TJP1: variants seen among roughly 807,000 people sequenced by gnomAD.
The protein encoded by TJP1 is tight junction protein 1.
Under a neutral mutation model 194.2 loss-of-function variants are expected in TJP1, and 43 were observed. That is an observed-to-expected ratio of 0.22 (90% confidence interval 0.17 to 0.29). The LOEUF is 0.29. Ranked by LOEUF, TJP1 falls within the 10% of genes least tolerant of loss-of-function variation. The pLI, the probability that TJP1 is intolerant of heterozygous loss-of-function variation, is 1.00. For synonymous variants in TJP1, 801 were observed against 779.0 expected (o/e 1.03, Z -0.47); for missense variants, 1,971 against 2,185.7 (o/e 0.90, Z 1.96).
rs138832484 is a variant in TJP1 at position 29,950,294 on chromosome 15, G to A, written c.306+5938C>T. ...CACCTCCACTTCCACCTTCACCACC[G>A]CTACCTCCACCACCACCACCTCCTT... On this transcript the variant is annotated intron_variant, in intron 2 of 28. Coordinates refer to the TJP1 transcript ENST00000356107. Among the ~76,000 whole-genome samples, 478 of 98,788 alleles carry A rather than the reference G, an allele frequency of 4.8e-3. 2 individuals carry two copies. The highest frequency in any genetic ancestry group is 0.018 in the African/African-American group (454 of 25,550). The allele number at this position is 98,788 out of a possible 152,430, so 64.8% of individuals were successfully genotyped here.
chr15:29,701,536 T>G lies in TJP1; in HGVS notation c.*59A>C, dbSNP rs2041540730. ...AAAGGTATAATACTTGATAGAGTGG[T>G]TCCATTTAGATTAAGTTTAATCCAG... On this transcript the variant is annotated 3_prime_UTR_variant, in exon 28 of 28. Transcript: ENST00000614355. The G allele has an allele frequency of 2.2e-6, 3 of 1,385,186 alleles. No homozygotes were observed. The highest frequency in any genetic ancestry group is 3.1e-6 in the Non-Finnish European group (3 of 977,122). 85.8% of individuals were successfully genotyped at this position (1,385,186 alleles called of 1,614,324 possible).
intron 20 of TJP1, among the ~76,000 whole-genome samples, chr15:29,719,426 T>C (rs1020960448): frequency 6.6e-5 from 10 of 152,188 alleles, no homozygotes; most frequent in African/African-American, 2.2e-4. Flanking sequence ...ACACTTCATT[T>C]TGACACTGAA....
At chr15:29,840,094 T>G (rs2051169426) in intron 2 of TJP1, among the ~76,000 whole-genome samples, 1 of 152,250 alleles carries the variant, frequency 6.6e-6, no homozygotes, top group East Asian at 1.9e-4. Context: ...AATCAGATTT[T>G]TTTAAACTAT....
intron 18 of TJP1, among the ~76,000 whole-genome samples, chr15:29,723,330 T>TACTA (rs2043046259): frequency 6.6e-6 from 1 of 152,166 alleles, no homozygotes; most frequent in Non-Finnish European, 1.5e-5. Flanking sequence ...ATCCCCCTAA[T>TACTA]ACTATTTTGT....
At chr15:29,775,220 T>C (rs1040559676) in intron 2 of TJP1, among the ~76,000 whole-genome samples, 2 of 151,874 alleles carry the variant, frequency 1.3e-5, no homozygotes, top group African/African-American at 4.8e-5. Flanking sequence ...TTTTACTTAA[T>C]CATGACCCCA....
At chr15:29,735,226 A>C (rs957483258) in intron 11 of TJP1, among the ~76,000 whole-genome samples, 2 of 151,712 alleles carry the variant, frequency 1.3e-5, no homozygotes, top group African/African-American at 2.4e-5. Context: ...AAAAAAAAAA[A>C]CCCTAGAAAC....
At chr15:29,795,340 T>G (rs2048336541) in intron 2 of TJP1, among the ~76,000 whole-genome samples, 1 of 151,368 alleles carries the variant, frequency 6.6e-6, no homozygotes, top group African/African-American at 2.4e-5. Flanking sequence ...GGAGAATCGC[T>G]TCAACCGCAG....
At position 29,718,724 on chromosome 15, in the gene TJP1, A is replaced by G. The variant is rs1043984364; in HGVS notation, c.3418T>C (p.Tyr1140His). 2 of 1,614,102 alleles carry G rather than the reference A, an allele frequency of 1.2e-6. No homozygotes were observed. Among genetic ancestry groups the G allele is most frequent in the Non-Finnish European group, 1.7e-6 (2 of 1,180,020 alleles). Residue 1140 changes from tyrosine (Y) to histidine (H), a missense_variant, in exon 21 of 28, where the codon TAC becomes CAC. This residue lies in a region of TJP1 where 1,108 missense variants were observed against 1,128.5 expected (regional missense o/e 0.98). Transcript: ENST00000614355. ...TGTTCGTAACGTGGTCTGCTGTCGT[A>G]AGACAGAGGGGCTGGCTCTTCAAAA... Reference protein sequence around the residue: ...PRFEEPAPLSYDSRPRYEQAP... With the variant: ...PRFEEPAPLSHDSRPRYEQAP...
intron 2 of TJP1, among the ~76,000 whole-genome samples, chr15:29,889,868 C>G (rs1420002200): frequency 1.3e-5 from 2 of 152,216 alleles, no homozygotes; most frequent in East Asian, 1.9e-4. Flanking sequence ...TAGTAAACGA[C>G]TAAGTCTTTG....
intron 2 of TJP1, among the ~76,000 whole-genome samples, chr15:29,774,895 A>T (rs1187217154): frequency 6.6e-6 from 1 of 152,274 alleles, no homozygotes; most frequent in South Asian, 2.1e-4. Flanking sequence ...ACAAAAATAG[A>T]CCAACTACAG....
chr15:29,733,123 T>G lies in TJP1; in HGVS notation c.1707A>C (p.Val569=). Residue 569 remains valine (V), a synonymous_variant, in exon 13 of 28, where the codon GTA becomes GTC. Transcript: ENST00000614355. Reference sequence around the variant, plus strand: ...TCTTATTAGGGATGATGCCTCGTTCTACCTCCTTATGATTTTTACCAATTC... The same window carrying G: ...TCTTATTAGGGATGATGCCTCGTTCGACCTCCTTATGATTTTTACCAATTC... The part of the protein sequence containing the change: ...AIRIGKNHKE[V]ERGIIPNKNR... 1 of 1,614,112 alleles carries G rather than the reference T, an allele frequency of 6.2e-7. No individual in the cohort carries two copies. Among genetic ancestry groups the G allele is most frequent in the East Asian group, 2.2e-5 (1 of 44,870 alleles).
chr15:29,930,151 A>C (rs936819056), intron 2 of TJP1, among the ~76,000 whole-genome samples: 1 of 152,238 alleles, frequency 6.6e-6, no homozygotes, highest in Non-Finnish European at 1.5e-5. Flanking sequence ...AGATGGTATT[A>C]TCAGCAAATC....
intron 2 of TJP1, among the ~76,000 whole-genome samples, chr15:29,863,607 G>A (rs2052180831): frequency 6.6e-6 from 1 of 152,112 alleles, no homozygotes; most frequent in South Asian, 2.1e-4. Flanking sequence ...TATGTTACCA[G>A]CCTGGCCCTG....
upstream of TJP1, among the ~76,000 whole-genome samples, chr15:29,824,353 G>A (rs1343008391): frequency 1.3e-5 from 2 of 151,830 alleles, no homozygotes; most frequent in Non-Finnish European, 2.9e-5. Context: ...TGAGGCAGGA[G>A]AATCGCTTGA....
At chr15:29,956,774 A>G (rs2055960341) in intron 1 of TJP1, among the ~76,000 whole-genome samples, 1 of 152,202 alleles carries the variant, frequency 6.6e-6, no homozygotes, top group East Asian at 1.9e-4. Flanking sequence ...CTGTGGTCCC[A>G]GCTGCTTGGA....
At chr15:29,705,253 C>A (rs2041818731) in intron 26 of TJP1, among the ~76,000 whole-genome samples, 1 of 152,200 alleles carries the variant, frequency 6.6e-6, no homozygotes, top group Non-Finnish European at 1.5e-5. Context: ...GTTAGGTCAG[C>A]CTAGGCTGCT....
intron 2 of TJP1, among the ~76,000 whole-genome samples, chr15:29,932,068 A>T (rs1313065320): frequency 6.6e-6 from 1 of 152,164 alleles, no homozygotes; most frequent in Non-Finnish European, 1.5e-5. Flanking sequence ...CTGTTTTATC[A>T]GCAAGGTCTT....
chr15:29,740,641 AC>A (rs1225248659), intron 10 of TJP1, among the ~76,000 whole-genome samples: 1 of 151,988 alleles, frequency 6.6e-6, no homozygotes, highest in Admixed American at 6.6e-5. Flanking sequence ...AAAAAAAAAA[AC>A]TAACCAAACA....
chr15:29,820,797 T>C (rs2050277573), intron 1 of TJP1: 1 of 536,648 alleles, frequency 1.9e-6, no homozygotes, highest in African/African-American at 1.9e-5. Flanking sequence ...TTCCTCAATG[T>C]AAGGTCAAAA....
Sources: allele counts gnomAD v4.1 joint callset (sites outside exome capture counted in the v4.1 genomes callset), GRCh38; gene constraint gnomAD v4.1.1; regional missense constraint gnomAD v4.1.1; transcripts MANE v1.5; gene names NCBI Gene and HGNC (gene_info 2026-07-23, HGNC 2026-07-21).